Variants in ATP11A observed in about 807,000 individuals in gnomAD.
ATP11A encodes the protein ATPase phospholipid transporting 11A, also known as phospholipid-transporting ATPase IH.
In ATP11A, 81 loss-of-function variants were observed where a neutral mutation model predicts 154.4. The observed-to-expected ratio is 0.52, with a 90% CI of 0.44 to 0.63. The LOEUF (loss-of-function observed/expected upper bound fraction) is 0.63, where lower values mean the gene tolerates loss of function less well. Ranked by LOEUF, ATP11A falls within the 30% of genes least tolerant of loss-of-function variation. ATP11A has a pLI of 0.00. For missense variants in ATP11A, 1,316 were observed against 1,474.3 expected (o/e 0.89, Z 1.76); for synonymous variants, 623 against 585.9 (o/e 1.06, Z -0.91).
intron 1 of ATP11A, among the ~76,000 whole-genome samples, chr13:112,744,687 T>C (rs576058739): frequency 1.3e-5 from 2 of 152,312 alleles, no homozygotes; most frequent in East Asian, 3.9e-4. Context: ...GGAAAGTGCA[T>C]CCTCCACACC....
chr13:112,755,041 C>T (rs915592938), intron 1 of ATP11A, among the ~76,000 whole-genome samples: 2 of 152,244 alleles, frequency 1.3e-5, no homozygotes, highest in Non-Finnish European at 2.9e-5. Context: ...GCCAGGGCGC[C>T]GTCGTCAGTC....
chr13:112,841,313 C>T (rs1472583710), intron 16 of ATP11A, among the ~76,000 whole-genome samples: 5 of 146,700 alleles, frequency 3.4e-5, no homozygotes, highest in African/African-American at 5.1e-5. Flanking sequence ...CAGAGTGCCA[C>T]GTGGCTTCGC....
intron 5 of ATP11A, among the ~76,000 whole-genome samples, chr13:112,811,263 T>C (rs1282732942): frequency 7.0e-6 from 1 of 143,882 alleles, no homozygotes; most frequent in Non-Finnish European, 1.5e-5. Flanking sequence ...TCATTATCAC[T>C]GCCCCCATCC....
intron 8 of ATP11A, among the ~76,000 whole-genome samples, chr13:112,822,154 C>T (rs2078813640): frequency 6.6e-6 from 1 of 152,226 alleles, no homozygotes; most frequent in South Asian, 2.1e-4. Context: ...CTTCAGCAAA[C>T]ACTTTTGACC....
At chr13:112,857,713 T>G in intron 20 of ATP11A, 105 bp from the exon 21 acceptor site, 1 of 916,342 alleles carries the variant, frequency 1.1e-6, no homozygotes, top group East Asian at 2.6e-5. Flanking sequence ...AATTTTTTTA[T>G]TTGCCTAGGC....
At chr13:112,723,333 G>A (rs997789088) in intron 1 of ATP11A, among the ~76,000 whole-genome samples, 2 of 1,754 alleles carry the variant, frequency 1.1e-3, no homozygotes, top group African/African-American at 4.7e-3. Flanking sequence ...GTGCAGTGGC[G>A]CGATCTCGGC....
Position 112,715,519 on chromosome 13 carries a change from C to CT in ATP11A, c.39+25064_39+25065insT, listed in dbSNP as rs1888348707. 1.6e-4 allele frequency among the ~76,000 whole-genome samples: 5 copies of CT among 31,974 alleles called. 1 individual carries two copies. Among genetic ancestry groups the CT allele is most frequent in the Non-Finnish European group, 4.1e-4 (4 of 9,832 alleles). The allele number at this position is 31,974 out of a possible 152,430, so 21.0% of individuals were successfully genotyped here. A position where few individuals can be genotyped will look rare whatever the true frequency, so the allele number is the denominator to read the frequency against. On this transcript the variant is annotated intron_variant, in intron 1 of 29. Transcript: ENST00000375645. The stretch of plus-strand genomic sequence containing the variant: ...GGCCCATCCCCTGCACCTGGCCGAT[C>CT]CCCACCCTTCACTTGGCTGAGGCCC...
chr13:112,712,443 G>A (rs1887868190), intron 1 of ATP11A, among the ~76,000 whole-genome samples: 1 of 152,210 alleles, frequency 6.6e-6, no homozygotes. Flanking sequence ...CTTTATCCAA[G>A]CTCACTGGGC....
At chr13:112,747,784 A>G (rs758052213) in intron 1 of ATP11A, among the ~76,000 whole-genome samples, 17 of 152,080 alleles carry the variant, frequency 1.1e-4, no homozygotes, top group Admixed American at 2.6e-4. Flanking sequence ...TGCAGTGTTC[A>G]GAGATCACGC....
intron 1 of ATP11A, among the ~76,000 whole-genome samples, chr13:112,782,359 T>C (rs1281064542): frequency 6.6e-6 from 1 of 152,196 alleles, no homozygotes; most frequent in East Asian, 1.9e-4. Flanking sequence ...TGAAATTCAG[T>C]TGCCGTCTTT....
At chr13:112,877,239 T>C (rs1267976918) in intron 28 of ATP11A, among the ~76,000 whole-genome samples, 1 of 152,168 alleles carries the variant, frequency 6.6e-6, no homozygotes, top group Non-Finnish European at 1.5e-5. Flanking sequence ...GCCGGGGCCC[T>C]GGCTGAGACT....
chr13:112,715,067 C>G (rs1888267661), intron 1 of ATP11A, among the ~76,000 whole-genome samples: 1 of 152,210 alleles, frequency 6.6e-6, no homozygotes, highest in Non-Finnish European at 1.5e-5. Context: ...GCACAAAGTC[C>G]ACAAGGGTCC....
At position 112,838,078 on chromosome 13, in the gene ATP11A, A is replaced by C. The variant is rs111279409; in HGVS notation, c.1705+1827A>C. Among the ~76,000 whole-genome samples the C allele has an allele frequency of 6.2e-3, 939 of 152,236 alleles. 10 individuals carry two copies. Among genetic ancestry groups the C allele is most frequent in the African/African-American group, 0.021 (885 of 41,538 alleles). ...TACTGATGGTCATAGGATGAGGAAC[A>C]ATCTGTGTGTGAATGTTGCCAGGAC... On this transcript the variant is annotated intron_variant, in intron 16 of 29. Coordinates refer to ENST00000375645, the MANE Select transcript of ATP11A (RefSeq NM_015205.3). The surrounding 1 kb of genome is among the most constrained non-coding windows in gnomAD (Gnocchi z 7.3).
chr13:112,690,808 G>C lies in ATP11A; in HGVS notation c.39+353G>C, dbSNP rs1008087785. Among the ~76,000 whole-genome samples the C allele has an allele frequency of 1.3e-5, 2 of 152,132 alleles. No individual in the cohort carries two copies. Among genetic ancestry groups the C allele is most frequent in the African/African-American group, 4.8e-5 (2 of 41,434 alleles). On this transcript the variant is annotated intron_variant, in intron 1 of 29. Transcript: ENST00000375645. This position sits in a 1 kb window ranked among gnomAD's most constrained non-coding sequence, Gnocchi z 5.6. ...CCGGCGGACCGGGCGCCCGGAGGGA[G>C]CCAACTTCGACCCCGCCGGGGCCCG...
intron 1 of ATP11A, among the ~76,000 whole-genome samples, chr13:112,773,077 C>T (rs1030900088): frequency 2.0e-5 from 3 of 152,232 alleles, no homozygotes; most frequent in Non-Finnish European, 4.4e-5. Flanking sequence ...CAGGAGCCTC[C>T]CAGAGCCCCG....
intron 27 of ATP11A, among the ~76,000 whole-genome samples, chr13:112,874,478 G>A (rs1033368532): frequency 6.6e-6 from 1 of 152,194 alleles, no homozygotes; most frequent in Non-Finnish European, 1.5e-5. Flanking sequence ...GTCGCTGTAA[G>A]CCAGGAAACG....
chr13:112,698,434 C>T (rs1202867159), intron 1 of ATP11A, among the ~76,000 whole-genome samples: 1 of 152,168 alleles, frequency 6.6e-6, no homozygotes, highest in East Asian at 1.9e-4. Context: ...ATGCTTTTGT[C>T]CCATGGTGCG....
intron 16 of ATP11A, among the ~76,000 whole-genome samples, chr13:112,839,051 C>G (rs1029631515): frequency 6.6e-6 from 1 of 152,132 alleles, no homozygotes; most frequent in African/African-American, 2.4e-5. Context: ...TCCGCAGGAC[C>G]CTTTTTTATA....
At chr13:112,701,694 G>C (rs568969762) in intron 1 of ATP11A, among the ~76,000 whole-genome samples, 1 of 152,026 alleles carries the variant, frequency 6.6e-6, no homozygotes, top group Non-Finnish European at 1.5e-5. Flanking sequence ...TTAGCTGGGC[G>C]TGGTGGCGGG....
Sources: allele counts gnomAD v4.1 joint callset (sites outside exome capture counted in the v4.1 genomes callset), GRCh38; gene constraint gnomAD v4.1.1; non-coding constraint Gnocchi (gnomAD v3.1); transcripts MANE v1.5; gene names NCBI Gene and HGNC (gene_info 2026-07-23, HGNC 2026-07-21).